The following MCF2L variants were observed in gnomAD, a reference collection of about 807,000 sequenced individuals.
The protein encoded by MCF2L is guanine nucleotide exchange factor DBS.
In MCF2L, 97 loss-of-function variants were observed where a neutral mutation model predicts 153.4. The observed-to-expected ratio is 0.63, with a 90% CI of 0.54 to 0.75. MCF2L has a LOEUF of 0.75. Among genes scored for constraint, MCF2L ranks in the 30% least tolerant of loss-of-function variants. The probability of loss-of-function intolerance (pLI) is 0.00; values close to 1 mark genes in which losing one functional copy is unlikely to be tolerated. For synonymous variants in MCF2L, 659 were observed against 632.2 expected (o/e 1.04, Z -0.64); for missense variants, 1,347 against 1,495.2 (o/e 0.90, Z 1.64).
Position 113,064,532 on chromosome 13 carries a change from C to T in MCF2L, c.606+112C>T, listed in dbSNP as rs1594901839. On this transcript the variant is annotated intron_variant, in intron 6 of 29. Coordinates refer to ENST00000535094, the MANE Select transcript of MCF2L (RefSeq NM_001112732.3). The surrounding 1 kb of genome is among the most constrained non-coding windows in gnomAD (Gnocchi z 6.0). ...CCAAAAACACATTCACATTAACAGT[C>T]GTTTTCTTTCCCAAGAATGAGGAGA... The T allele has an allele frequency of 1.0e-5, 7 of 696,020 alleles. No individual in the cohort carries two copies. Among genetic ancestry groups the T allele is most frequent in the South Asian group, 4.8e-5 (3 of 62,618 alleles). The allele number at this position is 696,020 out of a possible 1,614,324, so 43.1% of individuals were successfully genotyped here.
At chr13:113,006,074 A>G (rs949045951) in intron 1 of MCF2L, among the ~76,000 whole-genome samples, 10 of 152,236 alleles carry the variant, frequency 6.6e-5, no homozygotes, top group Admixed American at 3.9e-4. Flanking sequence ...GTGCCCTGCC[A>G]TGTCCCCGCC....
At chr13:112,913,824 C>G (rs1458769074) in intron 2 of MCF2L, among the ~76,000 whole-genome samples, 2 of 152,208 alleles carry the variant, frequency 1.3e-5, no homozygotes, top group African/African-American at 4.8e-5. Flanking sequence ...CCATTTCATA[C>G]AACAGGTGCA....
chr13:113,094,647 T>G lies in MCF2L; in HGVS notation c.3075+12T>G. The G allele has an allele frequency of 6.2e-7, 1 of 1,605,738 alleles. No homozygotes were observed. Among genetic ancestry groups the G allele is most frequent in the Non-Finnish European group, 8.5e-7 (1 of 1,176,938 alleles). Reference sequence around the variant, plus strand: ...GCCCCAAGAAGCTGGTAACCACGGCTTCCCTGTGGGCACTTGGGGTGGGGG... The same window carrying G: ...GCCCCAAGAAGCTGGTAACCACGGCGTCCCTGTGGGCACTTGGGGTGGGGG... On this transcript the variant is annotated intron_variant, in intron 27 of 29. Coordinates refer to ENST00000535094, the MANE Select transcript of MCF2L (RefSeq NM_001112732.3).
intron 2 of MCF2L, among the ~76,000 whole-genome samples, chr13:112,937,300 C>T (rs1302391798): frequency 6.6e-6 from 1 of 152,152 alleles, no homozygotes; most frequent in Non-Finnish European, 1.5e-5. Context: ...AGTGATCTGC[C>T]CACCTCAGCC....
At chr13:112,934,727 G>A (rs2081498337) in intron 2 of MCF2L, among the ~76,000 whole-genome samples, 1 of 152,174 alleles carries the variant, frequency 6.6e-6, no homozygotes, top group African/African-American at 2.4e-5. Flanking sequence ...CTGTGTGCCG[G>A]GGCGGCCCTT....
Position 113,071,880 on chromosome 13 carries a change from T to C in MCF2L, c.996+1707T>C, listed in dbSNP as rs11841918. Among the ~76,000 whole-genome samples the C allele has an allele frequency of 7.8e-3, 1,189 of 152,386 alleles. 23 individuals are homozygous for C. The highest frequency in any genetic ancestry group is 0.027 in the African/African-American group (1,134 of 41,592). ...CCTTTTCATGGCAATTTTAAAATTA[T>C]CTTGTCTACATATATGAAAACAAAT... On this transcript the variant is annotated intron_variant, in intron 9 of 29. Coordinates refer to ENST00000535094, the MANE Select transcript of MCF2L (RefSeq NM_001112732.3).
upstream of MCF2L, chr13:112,965,091 T>C (rs2081876200): frequency 1.3e-5 from 2 of 152,380 alleles, no homozygotes; most frequent in South Asian, 4.1e-4. Flanking sequence ...AATTCCAGAC[T>C]TCCTTGCTGG....
chr13:113,054,689 G>C lies in MCF2L; in HGVS notation c.370-5904G>C, dbSNP rs986627934. 6.6e-6 allele frequency: 1 copy of C among 152,174 alleles called. No individual in the cohort carries two copies. The highest frequency in any genetic ancestry group is 2.4e-5 in the African/African-American group (1 of 41,450). 9.4% of individuals were successfully genotyped at this position (152,174 alleles called of 1,614,324 possible). A position where few individuals can be genotyped will look rare whatever the true frequency, so the allele number is the denominator to read the frequency against. On this transcript the variant is annotated intron_variant, in intron 4 of 29. Coordinates refer to ENST00000535094, the MANE Select transcript of MCF2L (RefSeq NM_001112732.3). The surrounding 1 kb of genome is among the most constrained non-coding windows in gnomAD (Gnocchi z 5.2). Reference sequence around the variant, plus strand: ...CCTTAAGGAAGGTGATTTGAACTTGGGGAGGGTTTTTCAAACAGGGTTCCC... The same window carrying C: ...CCTTAAGGAAGGTGATTTGAACTTGCGGAGGGTTTTTCAAACAGGGTTCCC...
At position 113,064,838 on chromosome 13, in the gene MCF2L, G is replaced by A. The variant is rs1390911149; in HGVS notation, c.607-98G>A. The stretch of plus-strand genomic sequence containing the variant: ...TGCGTCAGCCGGTCTCACCTGATGG[G>A]TCTGTGTGGGAACGGTTTCCGCCGG... On this transcript the variant is annotated intron_variant, in intron 6 of 29. Transcript: ENST00000535094. The surrounding 1 kb of genome is among the most constrained non-coding windows in gnomAD (Gnocchi z 6.0). 8 of 1,390,640 alleles carry A rather than the reference G, an allele frequency of 5.8e-6. No homozygotes were observed. The highest frequency in any genetic ancestry group is 7.9e-6 in the Non-Finnish European group (8 of 1,014,610). 86.1% of individuals were successfully genotyped at this position (1,390,640 alleles called of 1,614,324 possible).
chr13:113,037,482 C>T (rs2086225240), intron 3 of MCF2L, among the ~76,000 whole-genome samples: 3 of 152,306 alleles, frequency 2.0e-5, no homozygotes, highest in South Asian at 2.1e-4. Context: ...ATACCCCTTT[C>T]GACCTGGGTT....
At chr13:113,026,861 C>T (rs761550679) in intron 3 of MCF2L, 16 of 725,528 alleles carry the variant, frequency 2.2e-5, no homozygotes, top group Admixed American at 1.7e-4. Context: ...AGTTCTGTGT[C>T]TCCCCAGCGG....
intron 1 of MCF2L, among the ~76,000 whole-genome samples, chr13:112,898,811 C>T (rs908047598): frequency 6.6e-6 from 1 of 152,232 alleles, no homozygotes; most frequent in Admixed American, 6.5e-5. Flanking sequence ...GATCCCTCCC[C>T]ACCGGTCAGC....
intron 2 of MCF2L, among the ~76,000 whole-genome samples, chr13:113,022,208 G>C (rs1306137749): frequency 1.3e-5 from 2 of 152,134 alleles, no homozygotes; most frequent in Non-Finnish European, 2.9e-5. Flanking sequence ...CTCCACCTCT[G>C]TGTCCACCAT....
intron 2 of MCF2L, among the ~76,000 whole-genome samples, chr13:112,934,078 G>A (rs972344765): frequency 6.6e-6 from 1 of 152,268 alleles, no homozygotes; most frequent in Non-Finnish European, 1.5e-5. Flanking sequence ...AAAGGTATAA[G>A]GAAACCATGT....
intron 17 of MCF2L, among the ~76,000 whole-genome samples, chr13:113,082,920 T>G (rs926612163): frequency 6.6e-5 from 10 of 152,150 alleles, no homozygotes; most frequent in Admixed American, 5.9e-4. Flanking sequence ...TATTCGGCCC[T>G]TTAGGGGGTC....
At chr13:113,036,471 A>G (rs1204502612) in intron 3 of MCF2L, among the ~76,000 whole-genome samples, 1 of 152,214 alleles carries the variant, frequency 6.6e-6, no homozygotes, top group Non-Finnish European at 1.5e-5. Context: ...GTGAGATGCC[A>G]GCTGCCCACA....
At chr13:112,976,628 T>C (rs1446369982) in intron 1 of MCF2L, among the ~76,000 whole-genome samples, 1 of 152,176 alleles carries the variant, frequency 6.6e-6, no homozygotes, top group Admixed American at 6.5e-5. Flanking sequence ...GGCAGAGCTG[T>C]GTGGCCTTCC....
At chr13:112,973,651 C>T (rs1006136402) in intron 1 of MCF2L, among the ~76,000 whole-genome samples, 12 of 152,230 alleles carry the variant, frequency 7.9e-5, no homozygotes, top group African/African-American at 1.9e-4. Context: ...GGCGCGAGCA[C>T]GGCTTCACCT....
intron 2 of MCF2L, among the ~76,000 whole-genome samples, chr13:112,924,230 C>T (rs556204661): frequency 3.9e-5 from 6 of 152,208 alleles, no homozygotes; most frequent in African/African-American, 7.2e-5. Context: ...AACCCCCCCA[C>T]GATGTGTCGT....
Sources: allele counts gnomAD v4.1 joint callset (sites outside exome capture counted in the v4.1 genomes callset), GRCh38; gene constraint gnomAD v4.1.1; non-coding constraint Gnocchi (gnomAD v3.1); transcripts MANE v1.5; gene names NCBI Gene and HGNC (gene_info 2026-07-23, HGNC 2026-07-21).